Variants in CSRNP3 observed in about 807,000 individuals in gnomAD.
The protein encoded by CSRNP3 is cysteine/serine-rich nuclear protein 3.
Under a neutral mutation model 48.0 loss-of-function variants are expected in CSRNP3, and 12 were observed. That is an observed-to-expected ratio of 0.25 (90% CI 0.16 to 0.41). The LOEUF is 0.41. Among genes scored for constraint, CSRNP3 ranks in the 10% least tolerant of loss-of-function variants. The pLI is 1.00. For synonymous variants in CSRNP3, 263 were observed against 269.7 expected (o/e 0.98, Z 0.24); for missense variants, 580 against 724.4 (o/e 0.80, Z 2.29).
intron 4 of CSRNP3, among the ~76,000 whole-genome samples, chr2:165,614,441 T>C (rs1558950892): frequency 6.6e-6 from 1 of 152,228 alleles, no homozygotes; most frequent in Non-Finnish European, 1.5e-5. Flanking sequence ...CCAATTGCTA[T>C]GATCAAGACT....
rs1686008266 is a variant in CSRNP3 at position 165,606,181 on chromosome 2, T to C, written c.148+10968T>C. On this transcript the variant is annotated intron_variant, in intron 4 of 6. Transcript: ENST00000651982. ...TATGTCAGAGTAACATACTGTAGCATGAACTGTGAAAATTATTATGTATTT... is the reference window on the plus strand; with the variant it reads ...TATGTCAGAGTAACATACTGTAGCACGAACTGTGAAAATTATTATGTATTT... Among the ~76,000 whole-genome samples, 4 of 151,178 alleles carry C rather than the reference T, an allele frequency of 2.6e-5. No individual in the cohort carries two copies. The South Asian group carries it at 8.4e-4, about 32-fold the overall frequency.
At chr2:165,511,874 C>T (rs768968279) in intron 2 of CSRNP3, among the ~76,000 whole-genome samples, 1 of 152,082 alleles carries the variant, frequency 6.6e-6, no homozygotes, top group Non-Finnish European at 1.5e-5. Context: ...TGTTTAGCTT[C>T]CAGGGGGCAG....
chr2:165,567,902 A>C (rs1203936338), intron 3 of CSRNP3, among the ~76,000 whole-genome samples: 1 of 152,098 alleles, frequency 6.6e-6, no homozygotes, highest in East Asian at 1.9e-4. Flanking sequence ...ACAATGCTGG[A>C]AAGTTTAACC....
intron 4 of CSRNP3, among the ~76,000 whole-genome samples, chr2:165,633,584 A>G (rs982586878): frequency 1.3e-5 from 2 of 151,920 alleles, no homozygotes; most frequent in Non-Finnish European, 2.9e-5. Flanking sequence ...GCTTTCCAAG[A>G]CTCCCCACTG....
At chr2:165,579,921 CTTTTTTTTTTTTTTTT>C (rs147087270) in intron 3 of CSRNP3, among the ~76,000 whole-genome samples, 2 of 70,550 alleles carry the variant, frequency 2.8e-5, no homozygotes, top group Non-Finnish European at 5.2e-5. Context: ...CATGACTCTA[CTTTTTTTTTTTTTTTT>C]TTTTTTTTTG....
intron 2 of CSRNP3, among the ~76,000 whole-genome samples, chr2:165,511,936 C>A (rs1224343500): frequency 6.6e-6 from 1 of 151,982 alleles, no homozygotes; most frequent in Non-Finnish European, 1.5e-5. Flanking sequence ...TTTTGTCACA[C>A]TAGTTTGAAG....
In CSRNP3 at chr2:165,687,442, C is replaced by G. The variant is rs1573971219; in HGVS notation, c.*7689C>G. ...AAATGACTTGACTTTTAAGCTGTTC[C>G]ATTTTCTAAGAAGTTACAATTACAA... On this transcript the variant is annotated 3_prime_UTR_variant, in exon 7 of 7. Coordinates refer to ENST00000651982, the MANE Select transcript of CSRNP3 (RefSeq NM_001172173.2). The G allele has an allele frequency of 6.6e-6, 1 of 152,076 alleles. No homozygotes were observed. Among genetic ancestry groups the G allele is most frequent in the East Asian group, 1.9e-4 (1 of 5,182 alleles). The allele number at this position is 152,076 out of a possible 1,614,324, so 9.4% of individuals were successfully genotyped here.
At chr2:165,655,751 G>A (rs759481081) in intron 4 of CSRNP3, among the ~76,000 whole-genome samples, 5 of 152,158 alleles carry the variant, frequency 3.3e-5, no homozygotes, top group Non-Finnish European at 7.4e-5. Flanking sequence ...CGACATTCTT[G>A]GCTTGTGGTG....
chr2:165,625,396 G>C (rs1314864107), intron 4 of CSRNP3, among the ~76,000 whole-genome samples: 1 of 151,826 alleles, frequency 6.6e-6, no homozygotes, highest in Non-Finnish European at 1.5e-5. Flanking sequence ...GGAGGCCAAG[G>C]TGGGTGGATC....
chr2:165,666,693 A>AAGAAAG (rs1553484440), intron 5 of CSRNP3, among the ~76,000 whole-genome samples: 22,710 of 36,110 alleles, frequency 0.63, 7,149 homozygotes, highest in African/African-American at 0.67. Context: ...GAGTGGTGTT[A>AAGAAAG]AGAGAGAGAG....
chr2:165,483,862 T>G (rs1387808573), intron 1 of CSRNP3, among the ~76,000 whole-genome samples: 1 of 152,084 alleles, frequency 6.6e-6, no homozygotes, highest in Non-Finnish European at 1.5e-5. Flanking sequence ...AACACCACCT[T>G]GGGGGTTAGA....
At chr2:165,637,507 C>T (rs561918934) in intron 4 of CSRNP3, among the ~76,000 whole-genome samples, 46 of 152,136 alleles carry the variant, frequency 3.0e-4, no homozygotes, top group Admixed American at 1.0e-3. Context: ...TGATTGGGAT[C>T]GGAAAGGAGC....
In CSRNP3 at chr2:165,678,689, C is replaced by G; in HGVS notation, c.706-12C>G. 2 of 1,609,324 alleles carry G rather than the reference C, an allele frequency of 1.2e-6. No individual in the cohort carries two copies. The highest frequency in any genetic ancestry group is 1.7e-6 in the Non-Finnish European group (2 of 1,177,272). ...TAGTTCCATGGTGCTAATCTGTGTTCTTCCTTCCAAGGTGGATCGTATGTC... is the reference window on the plus strand; with the variant it reads ...TAGTTCCATGGTGCTAATCTGTGTTGTTCCTTCCAAGGTGGATCGTATGTC... On this transcript the variant is annotated splice_polypyrimidine_tract_variant and intron_variant, in intron 6 of 6. Transcript: ENST00000651982.
At chr2:165,592,577 G>C (rs1463719562) in intron 3 of CSRNP3, among the ~76,000 whole-genome samples, 3 of 152,018 alleles carry the variant, frequency 2.0e-5, no homozygotes, top group Admixed American at 6.5e-5. Flanking sequence ...GGATGTGTTG[G>C]GGGGGTAATT....
rs1687587869 is a variant in CSRNP3 at position 165,683,944 on chromosome 2, A to G, written c.*4191A>G. 1 of 152,086 alleles carries G rather than the reference A, an allele frequency of 6.6e-6. No homozygotes were observed. The highest frequency in any genetic ancestry group is 6.6e-5 in the Admixed American group (1 of 15,244). The allele number at this position is 152,086 out of a possible 1,614,324, so 9.4% of individuals were successfully genotyped here. A position where few individuals can be genotyped will look rare whatever the true frequency, so the allele number is the denominator to read the frequency against. On this transcript the variant is annotated 3_prime_UTR_variant, in exon 7 of 7. Coordinates refer to ENST00000651982, the MANE Select transcript of CSRNP3 (RefSeq NM_001172173.2). ...TCTGAAATGTATGAATTAAATCAGGACTCAGCTAGGACTGAATCAAATGAA... is the reference window on the plus strand; with the variant it reads ...TCTGAAATGTATGAATTAAATCAGGGCTCAGCTAGGACTGAATCAAATGAA...
At chr2:165,568,511 C>T (rs956638836) in intron 3 of CSRNP3, among the ~76,000 whole-genome samples, 3 of 152,054 alleles carry the variant, frequency 2.0e-5, no homozygotes, top group Non-Finnish European at 4.4e-5. Context: ...TCCCAGAATG[C>T]CTATATGTGA....
At chr2:165,570,998 A>G (rs1685365433) in intron 3 of CSRNP3, among the ~76,000 whole-genome samples, 1 of 151,964 alleles carries the variant, frequency 6.6e-6, no homozygotes, top group Admixed American at 6.6e-5. Context: ...AACCATACTT[A>G]CCTATTCTGG....
At chr2:165,554,600 C>T (rs1034323719) in intron 3 of CSRNP3, among the ~76,000 whole-genome samples, 4 of 152,264 alleles carry the variant, frequency 2.6e-5, no homozygotes, top group Admixed American at 1.3e-4. Context: ...TTTTTCCTCA[C>T]CCAAACATTT....
chr2:165,506,343 G>T (rs1047990191), intron 2 of CSRNP3, among the ~76,000 whole-genome samples: 1 of 152,104 alleles, frequency 6.6e-6, no homozygotes, highest in Admixed American at 6.6e-5. Context: ...CTCCCTTCCA[G>T]ATGGGTTCAG....
Sources: gnomAD v4.1 joint callset for allele counts (sites outside exome capture counted in the v4.1 genomes callset) on GRCh38, gnomAD v4.1.1 for gene constraint, MANE v1.5 for transcripts, NCBI Gene and HGNC (gene_info 2026-07-23, HGNC 2026-07-21) for gene names.